SLC4A4: variants seen among roughly 807,000 people sequenced by gnomAD.
SLC4A4 encodes the protein electrogenic sodium bicarbonate cotransporter 1.
A neutral mutation model predicts 111.5 loss-of-function variants in SLC4A4; 27 were observed. The observed-to-expected ratio is 0.24, with a 90% confidence interval of 0.18 to 0.33. The LOEUF (loss-of-function observed/expected upper bound fraction) is 0.33. Among genes scored for constraint, SLC4A4 ranks in the 10% least tolerant of loss-of-function variants. The probability of loss-of-function intolerance (pLI) is 1.00; values close to 1 mark genes in which losing one functional copy is unlikely to be tolerated. For missense variants in SLC4A4, 909 were observed against 1,315.5 expected (o/e 0.69, Z 4.78); for synonymous variants, 443 against 463.4 (o/e 0.96, Z 0.57).
chr4:71,400,049 G>A (rs1720219604), intron 7 of SLC4A4, among the ~76,000 whole-genome samples: 2 of 152,330 alleles, frequency 1.3e-5, no homozygotes, highest in South Asian at 4.1e-4. Flanking sequence ...AAGCCATGCT[G>A]ATTATTTGCA....
chr4:71,217,783 T>C (rs558910278), intron 1 of SLC4A4, among the ~76,000 whole-genome samples: 10 of 152,322 alleles, frequency 6.6e-5, no homozygotes, highest in African/African-American at 2.4e-4. Flanking sequence ...CATTTCCTGA[T>C]TGACTGTTGG....
intron 1 of SLC4A4, among the ~76,000 whole-genome samples, chr4:71,071,463 T>C (rs1390478649): frequency 6.6e-6 from 1 of 152,260 alleles, no homozygotes; most frequent in Non-Finnish European, 1.5e-5. Context: ...TTTAAAGTAT[T>C]AAAATATTTT....
intron 7 of SLC4A4, among the ~76,000 whole-genome samples, chr4:71,433,986 A>G (rs1471380400): frequency 6.6e-6 from 1 of 152,024 alleles, no homozygotes; most frequent in Non-Finnish European, 1.5e-5. Context: ...AAGGTAAAGT[A>G]TGATGCATTG....
chr4:71,415,481 T>C (rs959128207), intron 7 of SLC4A4, among the ~76,000 whole-genome samples: 15 of 152,208 alleles, frequency 9.9e-5, no homozygotes, highest in Non-Finnish European at 1.6e-4. Context: ...ATCATTAACC[T>C]TACTTTACAG....
intron 7 of SLC4A4, among the ~76,000 whole-genome samples, chr4:71,410,955 G>A (rs1467077064): frequency 6.6e-6 from 1 of 152,062 alleles, no homozygotes; most frequent in African/African-American, 2.4e-5. Flanking sequence ...TTTAAGCTGA[G>A]ACCATAGAAA....
At chr4:71,376,395 G>A (rs1732396519) in intron 6 of SLC4A4, among the ~76,000 whole-genome samples, 1 of 150,384 alleles carries the variant, frequency 6.6e-6, no homozygotes, top group Admixed American at 6.6e-5. Context: ...AGTAGAGACG[G>A]GGTTTCACTG....
chr4:71,083,930 C>G (rs1560709560), intron 1 of SLC4A4, among the ~76,000 whole-genome samples: 1 of 151,834 alleles, frequency 6.6e-6, no homozygotes, highest in Admixed American at 6.6e-5. Context: ...ATTCGCTTAG[C>G]TGAATGCAGA....
intron 8 of SLC4A4, among the ~76,000 whole-genome samples, chr4:71,446,309 C>G (rs186144359): frequency 6.6e-6 from 1 of 152,188 alleles, no homozygotes; most frequent in African/African-American, 2.4e-5. Context: ...AAATAAAATT[C>G]TGCTGAGCAA....
chr4:71,131,883 C>A (rs2148961868), intron 2 of SLC4A4, among the ~76,000 whole-genome samples: 1 of 152,224 alleles, frequency 6.6e-6, no homozygotes, highest in South Asian at 2.1e-4. Flanking sequence ...TATCCATCTC[C>A]CACTGTGTTA....
intron 1 of SLC4A4, among the ~76,000 whole-genome samples, chr4:71,079,587 G>T (rs773329363): frequency 2.0e-5 from 3 of 152,018 alleles, no homozygotes; most frequent in Non-Finnish European, 4.4e-5. Context: ...AACAGCCTGG[G>T]CAACATAGCA....
chr4:71,164,596 A>G (rs1358939907), intron 2 of SLC4A4, among the ~76,000 whole-genome samples: 3 of 152,060 alleles, frequency 2.0e-5, no homozygotes, highest in Non-Finnish European at 4.4e-5. Context: ...AACCATAAAA[A>G]CACCCAGAAG....
chr4:71,181,203 C>T (rs1253102118), intron 2 of SLC4A4, among the ~76,000 whole-genome samples: 4 of 116,580 alleles, frequency 3.4e-5, no homozygotes, highest in Non-Finnish European at 6.5e-5. Context: ...CATCACACAC[C>T]AGGGCCTGTT....
chr4:71,343,798 C>T (rs1425436039), intron 4 of SLC4A4, among the ~76,000 whole-genome samples: 1 of 152,070 alleles, frequency 6.6e-6, no homozygotes, highest in East Asian at 1.9e-4. Context: ...ATCTCTTTGA[C>T]CTTGTCTTCC....
chr4:71,425,126 G>A (rs534914954), intron 7 of SLC4A4, among the ~76,000 whole-genome samples: 33 of 152,180 alleles, frequency 2.2e-4, no homozygotes, highest in African/African-American at 7.5e-4. Flanking sequence ...GAATGTTGAG[G>A]TGTGTTTAAG....
intron 2 of SLC4A4, among the ~76,000 whole-genome samples, chr4:71,168,912 C>T (rs1007367643): frequency 6.6e-6 from 1 of 152,194 alleles, no homozygotes; most frequent in Non-Finnish European, 1.5e-5. Context: ...CTGCAATAAA[C>T]ATGGGCATGC....
At chr4:71,286,153 C>T (rs187754058) in intron 3 of SLC4A4, among the ~76,000 whole-genome samples, 38 of 152,124 alleles carry the variant, frequency 2.5e-4, no homozygotes, top group Middle Eastern at 3.4e-3. Flanking sequence ...GGCAGGAGAA[C>T]GGCGTGAACC....
chr4:71,539,069 C>A (rs1414800075), intron 18 of SLC4A4, among the ~76,000 whole-genome samples: 1 of 151,990 alleles, frequency 6.6e-6, no homozygotes, highest in Non-Finnish European at 1.5e-5. Context: ...TTGTGGCAAC[C>A]AATTTGCTCT....
chr4:71,555,697 A>G (rs1332185508), intron 21 of SLC4A4, among the ~76,000 whole-genome samples: 1 of 151,926 alleles, frequency 6.6e-6, no homozygotes, highest in Non-Finnish European at 1.5e-5. Flanking sequence ...CTTTTGTTGA[A>G]AACTTCAGCT....
At chr4:71,279,480 A>G (rs1723331551) in intron 3 of SLC4A4, among the ~76,000 whole-genome samples, 1 of 152,180 alleles carries the variant, frequency 6.6e-6, no homozygotes, top group African/African-American at 2.4e-5. Context: ...GTATGTATAT[A>G]TACATATATC....
Sources: gnomAD v4.1 joint callset for allele counts (sites outside exome capture counted in the v4.1 genomes callset) on GRCh38, gnomAD v4.1.1 for gene constraint, MANE v1.5 for transcripts, NCBI Gene and HGNC (gene_info 2026-07-23, HGNC 2026-07-21) for gene names.